ASIC2: variants seen among roughly 807,000 people sequenced by gnomAD.
ASIC2 encodes acid sensing ion channel subunit 2.
Under a neutral mutation model 57.3 loss-of-function variants are expected in ASIC2, and 25 were observed. That is an observed-to-expected ratio of 0.44 (90% CI 0.32 to 0.61). ASIC2 has a LOEUF of 0.61. Among genes scored for constraint, ASIC2 ranks in the 20% least tolerant of loss-of-function variants. ASIC2 has a pLI of 0.06. For missense variants in ASIC2, 641 were observed against 738.1 expected, an observed-to-expected ratio of 0.87 and a Z score of 1.52; for synonymous variants, 319 against 307.5, an observed-to-expected ratio of 1.04 and a Z score of -0.39.
At chr17:33,014,778 G>A (rs971726633) in intron 9 of ASIC2, among the ~76,000 whole-genome samples, 2 of 152,184 alleles carry the variant, frequency 1.3e-5, no homozygotes, top group African/African-American at 2.4e-5. Context: ...AGGCTGTGAC[G>A]CTGAGACCTT....
chr17:33,123,834 G>A (rs531884149), intron 1 of ASIC2, among the ~76,000 whole-genome samples: 3 of 152,196 alleles, frequency 2.0e-5, no homozygotes, highest in Non-Finnish European at 4.4e-5. Flanking sequence ...CACCTGCTGG[G>A]AATATCCCTT....
At chr17:34,100,717 T>G (rs1329963088) in intron 1 of ASIC2, among the ~76,000 whole-genome samples, 1 of 152,172 alleles carries the variant, frequency 6.6e-6, no homozygotes, top group Non-Finnish European at 1.5e-5. Flanking sequence ...CTCCTCCTAC[T>G]GCGTCTCCCT....
At chr17:33,233,317 A>G (rs140790374) in intron 1 of ASIC2, among the ~76,000 whole-genome samples, 94 of 151,546 alleles carry the variant, frequency 6.2e-4, no homozygotes, top group African/African-American at 2.2e-3. Context: ...CCCAACCCCC[A>G]CACTGCCTGG....
At chr17:33,106,836 G>C (rs2092236673) in intron 2 of ASIC2, among the ~76,000 whole-genome samples, 1 of 152,010 alleles carries the variant, frequency 6.6e-6, no homozygotes, top group Non-Finnish European at 1.5e-5. Flanking sequence ...TAAAACTTAG[G>C]CTCTGTTAGG....
chr17:33,074,060 C>T (rs1368899931), intron 3 of ASIC2, among the ~76,000 whole-genome samples: 1 of 152,162 alleles, frequency 6.6e-6, no homozygotes, highest in Non-Finnish European at 1.5e-5. Flanking sequence ...GTAACCACTG[C>T]CTTTGGCTCT....
intron 1 of ASIC2, among the ~76,000 whole-genome samples, chr17:34,126,271 C>T (rs972426295): frequency 1.3e-5 from 2 of 152,198 alleles, no homozygotes; most frequent in South Asian, 2.1e-4. Context: ...CTAAAGGCTA[C>T]ACCAGTGAGA....
At chr17:34,149,235 T>G (rs1478690247) in intron 1 of ASIC2, among the ~76,000 whole-genome samples, 9 of 151,980 alleles carry the variant, frequency 5.9e-5, no homozygotes, top group Non-Finnish European at 1.0e-4. Context: ...GCCTCCCAAG[T>G]AGCTGGGACT....
chr17:33,337,712 G>A (rs1329967565), intron 1 of ASIC2, among the ~76,000 whole-genome samples: 3 of 150,704 alleles, frequency 2.0e-5, no homozygotes, highest in Non-Finnish European at 4.4e-5. Context: ...AGGGCAAAGA[G>A]GGTGGAAGTG....
chr17:33,860,192 A>G (rs1311906419), intron 1 of ASIC2, among the ~76,000 whole-genome samples: 1 of 152,230 alleles, frequency 6.6e-6, no homozygotes, highest in African/African-American at 2.4e-5. Context: ...TAAGGCAGGC[A>G]TAATACCAGG....
intron 1 of ASIC2, chr17:33,572,031 A>T (rs1889348401): frequency 6.6e-6 from 1 of 152,270 alleles, no homozygotes; most frequent in African/African-American, 2.4e-5. Context: ...TGAAGCTAGA[A>T]GATCTGGTGT....
At chr17:33,793,197 A>G (rs1285034680) in intron 1 of ASIC2, among the ~76,000 whole-genome samples, 4 of 152,224 alleles carry the variant, frequency 2.6e-5, no homozygotes, top group African/African-American at 9.6e-5. Context: ...GCTGGGTAAG[A>G]AATATCTATA....
chr17:33,291,944 G>C lies in ASIC2; in HGVS notation c.172C>G (p.Arg58Gly), dbSNP rs865946520. 1 of 1,518,740 alleles carries C rather than the reference G, an allele frequency of 6.6e-7. No individual in the cohort carries two copies. 94.1% of individuals were successfully genotyped at this position (1,518,740 alleles called of 1,614,324 possible). A position where few individuals can be genotyped will look rare whatever the true frequency, so the allele number is the denominator to read the frequency against. Residue 58 changes from arginine (R) to glycine (G), a missense_variant, in exon 1 of 10, where the codon CGG becomes GGG. Arg to Gly is a moderately radical substitution (Grantham distance 125). This residue lies in a region of ASIC2 where 382 missense variants were observed against 398.0 expected (regional missense o/e 0.96). Coordinates refer to ENST00000225823, the MANE Select transcript of ASIC2 (RefSeq NM_183377.2). ...LQGPGVARRG[R>G]PSLSRAKLHG... Reference sequence around the variant, plus strand: ...AGTTTAGCGCGGCTCAGCGATGGCCGCCCCCTGCGGGCGACCCCTGGCCCC... The same window carrying C: ...AGTTTAGCGCGGCTCAGCGATGGCCCCCCCCTGCGGGCGACCCCTGGCCCC...
intron 1 of ASIC2, among the ~76,000 whole-genome samples, chr17:33,617,962 G>A (rs566988384): frequency 6.6e-6 from 1 of 152,292 alleles, no homozygotes; most frequent in Admixed American, 6.5e-5. Flanking sequence ...TACGTGAAAA[G>A]GGAGTTACTA....
chr17:33,556,391 A>G (rs575642792), intron 1 of ASIC2, among the ~76,000 whole-genome samples: 1 of 152,238 alleles, frequency 6.6e-6, no homozygotes, highest in Non-Finnish European at 1.5e-5. Flanking sequence ...CCTTGGCTTG[A>G]GAATGACAGC....
intron 1 of ASIC2, among the ~76,000 whole-genome samples, chr17:34,017,786 T>C (rs767514652): frequency 1.2e-4 from 18 of 152,234 alleles, no homozygotes; most frequent in Non-Finnish European, 2.4e-4. Context: ...TTCTATGACA[T>C]CTGAGAGAGG....
rs539915770 is a variant in ASIC2, at chr17:33,152,951, C to T, written c.709-40884G>A. ...CGAGGCCGGAAGGTAATTCAGTCAC[C>T]CCTGGGGTTTCTCTTCCTGAGAAGA... is the stretch of plus-strand genomic sequence containing the variant. On this transcript the variant is annotated intron_variant, in intron 1 of 9. Transcript: ENST00000225823. Among the ~76,000 whole-genome samples, 20 of 152,290 alleles carry T rather than the reference C, an allele frequency of 1.3e-4. No individual in the cohort carries two copies. The South Asian group carries it at 4.2e-3, about 32-fold the overall frequency.
chr17:33,174,739 C>T (rs1256023760), intron 1 of ASIC2, among the ~76,000 whole-genome samples: 1 of 152,182 alleles, frequency 6.6e-6, no homozygotes, highest in Non-Finnish European at 1.5e-5. Flanking sequence ...GAGCCCGTGT[C>T]CTGGTGACTA....
chr17:33,230,881 G>A (rs557231609), intron 1 of ASIC2, among the ~76,000 whole-genome samples: 6 of 152,198 alleles, frequency 3.9e-5, no homozygotes, highest in South Asian at 4.1e-4. Flanking sequence ...ACGAAAATAC[G>A]TTCTATATGG....
intron 1 of ASIC2, among the ~76,000 whole-genome samples, chr17:33,918,556 A>C (rs1022998863): frequency 6.6e-6 from 1 of 152,206 alleles, no homozygotes; most frequent in African/African-American, 2.4e-5. Flanking sequence ...GGTTCATTTT[A>C]ACTTGGTTAT....
Sources: gnomAD v4.1 joint callset for allele counts (sites outside exome capture counted in the v4.1 genomes callset) on GRCh38, gnomAD v4.1.1 for gene constraint, gnomAD v4.1.1 regional missense constraint, MANE v1.5 for transcripts, NCBI Gene and HGNC (gene_info 2026-07-23, HGNC 2026-07-21) for gene names.